ZFYVE9: variants seen among roughly 807,000 people sequenced by gnomAD.
ZFYVE9 encodes the protein zinc finger FYVE-type containing 9, also known as zinc finger FYVE domain-containing protein 9.
ZFYVE9 carries 43 observed loss-of-function variants against 126.7 expected under a neutral mutation model. The observed-to-expected ratio is 0.34, with a 90% CI of 0.27 to 0.44. The LOEUF is 0.44. Ranked by LOEUF, ZFYVE9 falls within the 20% of genes least tolerant of loss-of-function variation. The pLI is 1.00. For missense variants in ZFYVE9, 1,476 were observed against 1,697.0 expected, an observed-to-expected ratio of 0.87 and a Z score of 2.29; for synonymous variants, 521 against 597.4, an observed-to-expected ratio of 0.87 and a Z score of 1.87.
intron 9 of ZFYVE9, among the ~76,000 whole-genome samples, chr1:52,280,125 C>T (rs1250632554): frequency 6.6e-6 from 1 of 151,500 alleles, no homozygotes; most frequent in East Asian, 1.9e-4. Flanking sequence ...ACCTGTAGTC[C>T]CAGTGCTTTG....
At chr1:52,259,996 A>G (rs1291196609) in intron 4 of ZFYVE9, among the ~76,000 whole-genome samples, 1 of 152,098 alleles carries the variant, frequency 6.6e-6, no homozygotes, top group Admixed American at 6.5e-5. Flanking sequence ...AACTTTTATT[A>G]TAAACAATAT....
chr1:52,176,487 C>G (rs1644630579), intron 1 of ZFYVE9, among the ~76,000 whole-genome samples: 2 of 152,194 alleles, frequency 1.3e-5, no homozygotes, highest in African/African-American at 4.8e-5. Context: ...CAGATCTCCA[C>G]CTGTGTGCTG....
intron 10 of ZFYVE9, among the ~76,000 whole-genome samples, chr1:52,286,363 A>T (rs1323641208): frequency 1.3e-5 from 2 of 152,198 alleles, no homozygotes; most frequent in African/African-American, 2.4e-5. Context: ...GAATTTTAAA[A>T]TCTAAACTAC....
intron 7 of ZFYVE9, among the ~76,000 whole-genome samples, chr1:52,269,711 T>C (rs1308618534): frequency 1.3e-5 from 2 of 152,180 alleles, no homozygotes; most frequent in Non-Finnish European, 2.9e-5. Flanking sequence ...CTGTGTCTTA[T>C]CCTTCTTTGT....
Position 52,237,945 on chromosome 1 carries a change from C to T in ZFYVE9, c.528C>T (p.Ser176=). Residue 176 remains serine (S), a synonymous_variant, in exon 4 of 19, where the codon TCC becomes TCT. Transcript: ENST00000287727. ...LQDCNNYNSQ[S]LMDAFSCSLD... ...ATTGTAATAATTATAATAGTCAATC[C>T]CTTATGGATGCTTTTAGCTGTTCAC... The T allele has an allele frequency of 6.2e-7, 1 of 1,613,864 alleles. No individual in the cohort carries two copies. Among genetic ancestry groups the T allele is most frequent in the Non-Finnish European group, 8.5e-7 (1 of 1,179,944 alleles).
chr1:52,222,741 G>A (rs532339439), intron 2 of ZFYVE9, among the ~76,000 whole-genome samples: 3 of 152,294 alleles, frequency 2.0e-5, no homozygotes, highest in Non-Finnish European at 2.9e-5. Context: ...AGCTTTCCTC[G>A]ATTTCCTTCC....
At chr1:52,207,406 T>G (rs1488042879) in intron 1 of ZFYVE9, among the ~76,000 whole-genome samples, 3 of 152,232 alleles carry the variant, frequency 2.0e-5, no homozygotes, top group African/African-American at 4.8e-5. Context: ...TTGTTCTTTA[T>G]AGCTCTTGAC....
chr1:52,165,713 C>T (rs1302262489), intron 1 of ZFYVE9, among the ~76,000 whole-genome samples: 1 of 152,210 alleles, frequency 6.6e-6, no homozygotes, highest in African/African-American at 2.4e-5. Context: ...GAACCATTGG[C>T]TTAGAACTCT....
chr1:52,157,082 T>C (rs974916885), intron 1 of ZFYVE9, among the ~76,000 whole-genome samples: 2 of 152,198 alleles, frequency 1.3e-5, no homozygotes, highest in Admixed American at 6.5e-5. Context: ...TCCGCCTGCC[T>C]CGGCCTCCGA....
intron 1 of ZFYVE9, among the ~76,000 whole-genome samples, chr1:52,212,534 C>CTA (rs1486632402): frequency 6.6e-6 from 1 of 152,180 alleles, no homozygotes; most frequent in Non-Finnish European, 1.5e-5. Flanking sequence ...AGTTTGGTAA[C>CTA]TATATGAACC....
chr1:52,313,502 G>A (rs748792259), intron 13 of ZFYVE9, among the ~76,000 whole-genome samples: 26 of 152,176 alleles, frequency 1.7e-4, no homozygotes, highest in Non-Finnish European at 2.1e-4. Context: ...AGGAGATCTG[G>A]AAAGATTTCT....
Position 52,219,712 on chromosome 1 carries a change from A to T in ZFYVE9, c.-37+3238A>T, listed in dbSNP as rs186174696. On this transcript the variant is annotated intron_variant, in intron 2 of 18. Coordinates refer to ENST00000287727, the MANE Select transcript of ZFYVE9 (RefSeq NM_004799.4). ...TGGGAAGGTCAGTAGTGGAATTTAGATAAGGCAGCCCATAGAGCATTTCAG... is the reference window on the plus strand; with the variant it reads ...TGGGAAGGTCAGTAGTGGAATTTAGTTAAGGCAGCCCATAGAGCATTTCAG... 7.9e-5 allele frequency among the ~76,000 whole-genome samples: 12 copies of T among 151,400 alleles called. No homozygotes were observed. The East Asian group carries it at 2.3e-3, about 30-fold the overall frequency.
intron 4 of ZFYVE9, among the ~76,000 whole-genome samples, chr1:52,260,976 C>T (rs1323805636): frequency 2.0e-5 from 3 of 152,044 alleles, no homozygotes; most frequent in African/African-American, 7.2e-5. Flanking sequence ...TTTGGTGGGT[C>T]CATGCTTCTT....
chr1:52,154,092 CTT>C (rs1473524821), intron 1 of ZFYVE9, among the ~76,000 whole-genome samples: 2 of 152,252 alleles, frequency 1.3e-5, no homozygotes, highest in African/African-American at 4.8e-5. Flanking sequence ...TGCCACAAAT[CTT>C]TCACTGTGAA....
chr1:52,164,692 C>T (rs967353159), intron 1 of ZFYVE9, among the ~76,000 whole-genome samples: 1 of 152,184 alleles, frequency 6.6e-6, no homozygotes, highest in African/African-American at 2.4e-5. Flanking sequence ...CAGACATGCA[C>T]TAGACCAAGG....
At chr1:52,261,226 CTTTTT>C (rs954031127) in intron 4 of ZFYVE9, among the ~76,000 whole-genome samples, 1 of 132,118 alleles carries the variant, frequency 7.6e-6, no homozygotes, top group Non-Finnish European at 1.6e-5. Context: ...TTCTTTCTTT[CTTTTT>C]TTTTTTTTTT....
At chr1:52,146,155 G>A (rs1250957179) in intron 1 of ZFYVE9, among the ~76,000 whole-genome samples, 1 of 152,060 alleles carries the variant, frequency 6.6e-6, no homozygotes, top group Admixed American at 6.5e-5. Flanking sequence ...GGCATTGTAA[G>A]TAGTCTAGAG....
chr1:52,253,369 ATATTT>A (rs1360329903), intron 4 of ZFYVE9, among the ~76,000 whole-genome samples: 2 of 152,246 alleles, frequency 1.3e-5, no homozygotes, highest in African/African-American at 4.8e-5. Flanking sequence ...CAATGGAGAA[ATATTT>A]TAATTTACTA....
chr1:52,251,018 C>T (rs965131943), intron 4 of ZFYVE9, among the ~76,000 whole-genome samples: 3 of 148,472 alleles, frequency 2.0e-5, no homozygotes, highest in African/African-American at 7.8e-5. Context: ...GGCCAGTTTT[C>T]AGTCGTTTTT....
Sources: gnomAD v4.1 joint callset for allele counts (sites outside exome capture counted in the v4.1 genomes callset) on GRCh38, gnomAD v4.1.1 for gene constraint, MANE v1.5 for transcripts, NCBI Gene and HGNC (gene_info 2026-07-23, HGNC 2026-07-21) for gene names.